Variants in MAGI1 observed in about 807,000 individuals in gnomAD.
The protein encoded by MAGI1 is membrane associated guanylate kinase, WW and PDZ domain containing 1.
Under a neutral mutation model 139.9 loss-of-function variants are expected in MAGI1, and 58 were observed. That is an observed-to-expected ratio of 0.41 (90% CI 0.34 to 0.52). The LOEUF is 0.52. Ranked by LOEUF, MAGI1 falls within the 20% of genes least tolerant of loss-of-function variation. The probability of loss-of-function intolerance (pLI) is 0.12; values close to 1 mark genes in which losing one functional copy is unlikely to be tolerated. For synonymous variants in MAGI1, 812 were observed against 737.9 expected, an observed-to-expected ratio of 1.10 and a Z score of -1.63; for missense variants, 1,874 against 1,901.6, an observed-to-expected ratio of 0.99 and a Z score of 0.27.
intron 1 of MAGI1, among the ~76,000 whole-genome samples, chr3:65,730,262 TC>T (rs920028657): frequency 2.6e-4 from 40 of 152,266 alleles, no homozygotes; most frequent in African/African-American, 9.1e-4. Flanking sequence ...CTGGAAGTGA[TC>T]CCTGGGGTTG....
chr3:65,849,428 C>A (rs1328670472), intron 1 of MAGI1, among the ~76,000 whole-genome samples: 1 of 150,798 alleles, frequency 6.6e-6, no homozygotes, highest in Non-Finnish European at 1.5e-5. Flanking sequence ...TACCATTGAC[C>A]TATTTGCTGC....
chr3:65,948,745 A>T (rs575349952), intron 1 of MAGI1, among the ~76,000 whole-genome samples: 20 of 152,364 alleles, frequency 1.3e-4, no homozygotes, highest in Admixed American at 1.2e-3. Context: ...CACAGACTTA[A>T]AAAGCTATAT....
At chr3:65,420,442 C>A (rs1015664411) in intron 12 of MAGI1, among the ~76,000 whole-genome samples, 5 of 152,124 alleles carry the variant, frequency 3.3e-5, no homozygotes, top group African/African-American at 1.2e-4. Flanking sequence ...TGCTTCACAG[C>A]ACTTTTCTTT....
chr3:65,995,144 C>T (rs2066373524), intron 1 of MAGI1, among the ~76,000 whole-genome samples: 1 of 152,170 alleles, frequency 6.6e-6, no homozygotes, highest in African/African-American at 2.4e-5. Flanking sequence ...CTAGAAAACT[C>T]GGAAGGAACC....
intron 16 of MAGI1, among the ~76,000 whole-genome samples, chr3:65,380,177 A>G (rs1942929384): frequency 6.6e-6 from 1 of 152,166 alleles, no homozygotes; most frequent in African/African-American, 2.4e-5. Flanking sequence ...CTCCTTCTGA[A>G]TTTAGTCACC....
Position 65,356,762 on chromosome 3 carries a change from G to A in MAGI1, c.4005C>T (p.Asn1335=), listed in dbSNP as rs1940222573. 3 of 1,604,512 alleles carry A rather than the reference G, an allele frequency of 1.9e-6. No homozygotes were observed. Among genetic ancestry groups the A allele is most frequent in the Middle Eastern group, 1.7e-4 (1 of 5,988 alleles). The change falls in exon 23 of 23, where the codon AAC becomes AAT. Residue 1335 remains asparagine, a synonymous_variant. Transcript: ENST00000402939. ...CGTGCTTCTCCCTCCTCTCCAAAGT[G>A]TTGTCGGCGCTGCGGGTGCCCTCCC... The part of the protein sequence containing the change: ...KRREGTRSAD[N]TLERREKHEK...
intron 1 of MAGI1, among the ~76,000 whole-genome samples, chr3:65,779,907 A>G (rs1344847830): frequency 6.6e-6 from 1 of 152,182 alleles, no homozygotes; most frequent in Non-Finnish European, 1.5e-5. Flanking sequence ...TGAAAATAAC[A>G]GCACTAACAA....
At chr3:65,994,564 A>G (rs1453654368) in intron 1 of MAGI1, among the ~76,000 whole-genome samples, 3 of 152,202 alleles carry the variant, frequency 2.0e-5, no homozygotes, top group Non-Finnish European at 4.4e-5. Flanking sequence ...GGCTTAGAAC[A>G]ACCAACCACC....
intron 12 of MAGI1, among the ~76,000 whole-genome samples, chr3:65,418,114 G>A (rs965012804): frequency 1.3e-5 from 2 of 152,132 alleles, no homozygotes; most frequent in Non-Finnish European, 2.9e-5. Context: ...ATAACTGTCT[G>A]GCCCAAAATG....
intron 2 of MAGI1, among the ~76,000 whole-genome samples, chr3:65,505,474 T>C (rs2077245188): frequency 6.6e-6 from 1 of 151,298 alleles, no homozygotes; most frequent in Non-Finnish European, 1.5e-5. Context: ...TGAAACCTTG[T>C]CTCTAAAAAA....
chr3:65,492,177 T>C (rs1952086001), intron 3 of MAGI1, among the ~76,000 whole-genome samples: 1 of 152,260 alleles, frequency 6.6e-6, no homozygotes, highest in African/African-American at 2.4e-5. Flanking sequence ...CATAATAACT[T>C]GACCAAGTTA....
intron 1 of MAGI1, among the ~76,000 whole-genome samples, chr3:66,002,555 T>C (rs927261757): frequency 2.6e-5 from 4 of 151,954 alleles, no homozygotes; most frequent in African/African-American, 9.7e-5. Context: ...CTCACTCTCT[T>C]CCCAGGCTGG....
intron 12 of MAGI1, among the ~76,000 whole-genome samples, chr3:65,410,340 C>T (rs539090976): frequency 1.3e-5 from 2 of 152,320 alleles, no homozygotes; most frequent in South Asian, 4.1e-4. Flanking sequence ...CTAATATCTT[C>T]TCATTCTGCA....
rs117502460 is a variant in MAGI1, at chr3:65,385,558, T to C, written c.2417-1935A>G. Among the ~76,000 whole-genome samples the C allele has an allele frequency of 6.4e-4, 98 of 152,340 alleles. No homozygotes were observed. In the East Asian group the frequency reaches 0.015, roughly 24 times the overall value. On this transcript the variant is annotated intron_variant, in intron 14 of 22. Transcript: ENST00000402939. Reference sequence around the variant, plus strand: ...AGGTTGGCGAAGAGATGTCCCTTTTTAGTGATTCACCCACAAACTTAAAAT... The same window carrying C: ...AGGTTGGCGAAGAGATGTCCCTTTTCAGTGATTCACCCACAAACTTAAAAT...
rs1375576954 is a variant in MAGI1 at position 66,018,124 on chromosome 3, G to A, written c.313+19872C>T. The stretch of plus-strand genomic sequence containing the variant: ...GAAGGACACTTTGGTGGGGGGGGGG[G>A]GTGTCTGCACATGCCCATTTAATGT... On this transcript the variant is annotated intron_variant, in intron 1 of 22. Coordinates refer to ENST00000402939, the MANE Select transcript of MAGI1 (RefSeq NM_001033057.2). 4.0e-5 allele frequency among the ~76,000 whole-genome samples: 5 copies of A among 123,764 alleles called. 1 individual carries two copies. Among genetic ancestry groups the A allele is most frequent in the African/African-American group, 1.3e-4 (5 of 37,228 alleles). 81.2% of individuals were successfully genotyped at this position (123,764 alleles called of 152,430 possible). A position where few individuals can be genotyped will look rare whatever the true frequency, so the allele number is the denominator to read the frequency against.
At chr3:65,756,856 A>T (rs1282688905) in intron 1 of MAGI1, among the ~76,000 whole-genome samples, 1 of 152,232 alleles carries the variant, frequency 6.6e-6, no homozygotes, top group Non-Finnish European at 1.5e-5. Context: ...TCATACAAGG[A>T]AGACACTTTA....
At chr3:65,826,239 T>C (rs1183944965) in intron 1 of MAGI1, among the ~76,000 whole-genome samples, 1 of 152,168 alleles carries the variant, frequency 6.6e-6, no homozygotes, top group Non-Finnish European at 1.5e-5. Context: ...GTTTTTAGAA[T>C]GAACAGCTAT....
chr3:66,001,432 A>G (rs1004496557), intron 1 of MAGI1, among the ~76,000 whole-genome samples: 1 of 152,222 alleles, frequency 6.6e-6, no homozygotes, highest in Non-Finnish European at 1.5e-5. Context: ...AAGATTTATA[A>G]AACGACTGCA....
At position 65,851,448 on chromosome 3, in the gene MAGI1, A is replaced by T. The variant is rs149898280; in HGVS notation, c.313+186548T>A. Reference sequence around the variant, plus strand: ...TGGAGTGTAAGCTTGCAAACTAAATAAAAAAAAATCTGTTAGGTTGCCAGG... The same window carrying T: ...TGGAGTGTAAGCTTGCAAACTAAATTAAAAAAAATCTGTTAGGTTGCCAGG... On this transcript the variant is annotated intron_variant, in intron 1 of 22. Coordinates refer to ENST00000402939, the MANE Select transcript of MAGI1 (RefSeq NM_001033057.2). Among the ~76,000 whole-genome samples the T allele has an allele frequency of 8.6e-4, 130 of 151,750 alleles. 2 individuals are homozygous for T. The highest frequency in any genetic ancestry group is 1.2e-3 in the African/African-American group (50 of 41,376).
Sources: allele counts gnomAD v4.1 joint callset (sites outside exome capture counted in the v4.1 genomes callset), GRCh38; gene constraint gnomAD v4.1.1; transcripts MANE v1.5; gene names NCBI Gene and HGNC (gene_info 2026-07-23, HGNC 2026-07-21).